The following SLC7A6 variants were observed in gnomAD, a reference collection of about 807,000 sequenced individuals.
The protein encoded by SLC7A6 is Y+L amino acid transporter 2.
Under a neutral mutation model 46.6 loss-of-function variants are expected in SLC7A6, and 29 were observed. The observed-to-expected ratio is 0.62, with a 90% CI of 0.46 to 0.85. The LOEUF (loss-of-function observed/expected upper bound fraction) is 0.85, where lower values mean the gene tolerates loss of function less well. Among genes scored for constraint, SLC7A6 ranks in the 40% least tolerant of loss-of-function variants. The pLI, the probability that SLC7A6 is intolerant of heterozygous loss-of-function variation, is 0.00. For synonymous variants in SLC7A6, 276 were observed against 257.3 expected, an observed-to-expected ratio of 1.07 and a Z score of -0.70; for missense variants, 527 against 647.6, an observed-to-expected ratio of 0.81 and a Z score of 2.02.
intron 3 of SLC7A6, among the ~76,000 whole-genome samples, chr16:68,280,116 T>A (rs1275381092): frequency 6.6e-6 from 1 of 152,190 alleles, no homozygotes; most frequent in Non-Finnish European, 1.5e-5. Context: ...GAGGCGGCAG[T>A]GGGAACAACG....
intron 4 of SLC7A6, 41 bp from the exon 5 acceptor site, chr16:68,290,355 T>C: frequency 1.9e-6 from 3 of 1,612,296 alleles, no homozygotes; most frequent in Non-Finnish European, 2.5e-6. Context: ...CTTTGGCCTG[T>C]TCCTTCTCTC....
At chr16:68,290,940 A>T in intron 5 of SLC7A6, 1 of 503,380 alleles carries the variant, frequency 2.0e-6, no homozygotes, top group Non-Finnish European at 3.6e-6. Flanking sequence ...TTCCTCTGAG[A>T]TCACAGATGC....
chr16:68,275,596 CAAAAAAAAAAA>C (rs10578259), intron 3 of SLC7A6, among the ~76,000 whole-genome samples: 5 of 100,622 alleles, frequency 5.0e-5, no homozygotes, highest in Non-Finnish European at 7.8e-5. Flanking sequence ...ACTCTGTCTC[CAAAAAAAAAAA>C]AAAAAAAAAA....
chr16:68,291,560 AT>A lies in SLC7A6; in HGVS notation c.924del (p.Phe308LeufsTer51). On this transcript the variant is annotated frameshift_variant, in exon 7 of 11. Coordinates refer to ENST00000219343, the MANE Select transcript of SLC7A6 (RefSeq NM_003983.6). LOFTEE classifies it high-confidence loss of function. ...CCTTTTCTGTGCCCTGCCCCCAGAC[AT>A]TTGCTGACCAGACGTTTGGCATGTT... ...VLSSDAVAVT[F>X]ADQTFGMFSW... 6.2e-7 allele frequency: 1 copy of A among 1,614,054 alleles called. No individual in the cohort carries two copies.
At chr16:68,269,764 AAAAG>A (rs1312585150) in intron 2 of SLC7A6, among the ~76,000 whole-genome samples, 3 of 151,886 alleles carry the variant, frequency 2.0e-5, no homozygotes, top group Non-Finnish European at 4.4e-5. Context: ...AAAAAAAAAA[AAAAG>A]AAAGAAAAAA....
intron 2 of SLC7A6, among the ~76,000 whole-genome samples, chr16:68,268,375 G>A (rs945104852): frequency 5.3e-5 from 8 of 152,188 alleles, no homozygotes; most frequent in African/African-American, 1.2e-4. Context: ...CTCCCCCTCC[G>A]GCATTTGGTC....
chr16:68,272,140 A>G (rs1163271663), intron 2 of SLC7A6, among the ~76,000 whole-genome samples: 2 of 152,214 alleles, frequency 1.3e-5, no homozygotes, highest in East Asian at 3.9e-4. Flanking sequence ...GAAGCCTGGC[A>G]TGGTGGCTCA....
intron 3 of SLC7A6, among the ~76,000 whole-genome samples, chr16:68,286,799 G>A (rs1221140029): frequency 2.6e-5 from 4 of 152,086 alleles, no homozygotes; most frequent in Non-Finnish European, 4.4e-5. Context: ...GAATTGGGAG[G>A]TATGGGTAGG....
At position 68,274,516 on chromosome 16, in the gene SLC7A6, G is replaced by A. The variant is rs185459314; in HGVS notation, c.-36-175G>A. Among the ~76,000 whole-genome samples the A allele has an allele frequency of 1.3e-3, 191 of 152,294 alleles. 2 individuals are homozygous for A. Among genetic ancestry groups the A allele is most frequent in the Non-Finnish European group, 1.6e-4 (11 of 68,018 alleles). ...TGGTGTCTTTCTTGGGAGCAGTGAA[G>A]GTCTACCCACTTCTATTTCCCTGTG... is the stretch of plus-strand genomic sequence containing the variant. On this transcript the variant is annotated intron_variant, in intron 2 of 10. Coordinates refer to ENST00000219343, the MANE Select transcript of SLC7A6 (RefSeq NM_003983.6).
chr16:68,297,560 A>C lies in SLC7A6; in HGVS notation c.*232A>C, dbSNP rs2043195600. ...GGGGGAAGATTGGGGAACGGGGGGA[A>C]TGGTCATTTAGTTTTACTCCTGATA... is the stretch of plus-strand genomic sequence containing the variant. On this transcript the variant is annotated 3_prime_UTR_variant, in exon 11 of 11. Coordinates refer to ENST00000219343, the MANE Select transcript of SLC7A6 (RefSeq NM_003983.6). The C allele has an allele frequency of 7.4e-6, 3 of 407,930 alleles. No homozygotes were observed. Among genetic ancestry groups the C allele is most frequent in the East Asian group, 4.7e-5 (1 of 21,334 alleles). The allele number at this position is 407,930 out of a possible 1,614,324, so 25.3% of individuals were successfully genotyped here. A position where few individuals can be genotyped will look rare whatever the true frequency, so the allele number is the denominator to read the frequency against.
rs562862155 is a variant in SLC7A6, at chr16:68,294,122, G to A, written c.1023-583G>A. On this transcript the variant is annotated intron_variant, in intron 7 of 10. Transcript: ENST00000219343. ...TTGGTCAGGCTGGTCTCAAACTCCCGACCTCAGGTGATCCACCTGCCTCGG... is the reference window on the plus strand; with the variant it reads ...TTGGTCAGGCTGGTCTCAAACTCCCAACCTCAGGTGATCCACCTGCCTCGG... Among the ~76,000 whole-genome samples, 678 of 152,200 alleles carry A rather than the reference G, an allele frequency of 4.5e-3. 7 individuals carry two copies. Among genetic ancestry groups the A allele is most frequent in the Non-Finnish European group, 4.4e-3 (299 of 68,008 alleles).
At chr16:68,274,386 T>G (rs1269968347) in intron 2 of SLC7A6, among the ~76,000 whole-genome samples, 1 of 152,226 alleles carries the variant, frequency 6.6e-6, no homozygotes, top group Non-Finnish European at 1.5e-5. Context: ...AATCTATAAC[T>G]CAAGGAGAAT....
At chr16:68,279,184 A>AAG (rs1367888845) in intron 3 of SLC7A6, among the ~76,000 whole-genome samples, 5 of 150,638 alleles carry the variant, frequency 3.3e-5, no homozygotes, top group South Asian at 4.2e-4. Flanking sequence ...AAAAAAAAAA[A>AAG]TTAGGCATGG....
chr16:68,282,727 C>T (rs901323492), intron 3 of SLC7A6, among the ~76,000 whole-genome samples: 2 of 152,052 alleles, frequency 1.3e-5, no homozygotes, highest in African/African-American at 4.8e-5. Context: ...AAGTGATTCT[C>T]CTGCCTCGGC....
At chr16:68,275,716 A>G (rs931867928) in intron 3 of SLC7A6, among the ~76,000 whole-genome samples, 1 of 151,940 alleles carries the variant, frequency 6.6e-6, no homozygotes, top group Non-Finnish European at 1.5e-5. Flanking sequence ...GTCCTGAGAG[A>G]TAAGTAAGCA....
chr16:68,290,265 CTTT>C (rs2043020513), intron 4 of SLC7A6, 128 bp from the exon 5 acceptor site: 2 of 970,126 alleles, frequency 2.1e-6, no homozygotes, highest in Middle Eastern at 3.4e-4. Flanking sequence ...CCCATTCCTC[CTTT>C]TTTTCATCTT....
chr16:68,282,024 A>C (rs1364556737), intron 3 of SLC7A6, among the ~76,000 whole-genome samples: 7 of 152,132 alleles, frequency 4.6e-5, no homozygotes, highest in Non-Finnish European at 2.9e-5. Context: ...AAGAAGAAAC[A>C]CTGTATGATC....
intron 4 of SLC7A6, among the ~76,000 whole-genome samples, chr16:68,289,784 T>C (rs1487384024): frequency 1.3e-5 from 2 of 152,136 alleles, no homozygotes; most frequent in African/African-American, 4.8e-5. Flanking sequence ...TAGTGAAAGA[T>C]AAGGTCTCAG....
At chr16:68,284,575 C>A (rs1368423659) in intron 3 of SLC7A6, 5 of 843,608 alleles carry the variant, frequency 5.9e-6, no homozygotes, top group Non-Finnish European at 7.1e-6. Flanking sequence ...TACCTGTGCA[C>A]AGAGAGGACC....
Sources: gnomAD v4.1 joint callset for allele counts (sites outside exome capture counted in the v4.1 genomes callset) on GRCh38, gnomAD v4.1.1 for gene constraint, MANE v1.5 for transcripts, NCBI Gene and HGNC (gene_info 2026-07-23, HGNC 2026-07-21) for gene names.